KYNU: variants seen among roughly 807,000 people sequenced by gnomAD.
KYNU encodes kynureninase, also known as L-kynurenine hydrolase.
Under a neutral mutation model 59.2 loss-of-function variants are expected in KYNU, and 54 were observed. The ratio of observed to expected loss-of-function variants is 0.91; its 90% CI spans 0.73 to 1.14. KYNU has a LOEUF of 1.14. Among genes scored for constraint, KYNU ranks in the 50% most tolerant of loss-of-function variants. The probability of loss-of-function intolerance (pLI) is 0.00; values close to 1 mark genes in which losing one functional copy is unlikely to be tolerated. For synonymous variants in KYNU, 177 were observed against 192.0 expected (o/e 0.92, Z 0.65); for missense variants, 567 against 554.4 (o/e 1.02, Z -0.23).
intron 7 of KYNU, chr2:142,957,987 A>C: frequency 2.8e-6 from 1 of 353,928 alleles, no homozygotes; most frequent in South Asian, 3.4e-5. Flanking sequence ...CTTCAATGGG[A>C]TGGGAAAAGG....
intron 10 of KYNU, among the ~76,000 whole-genome samples, chr2:142,988,256 CT>C (rs1380675228): frequency 6.6e-6 from 1 of 151,932 alleles, no homozygotes; most frequent in African/African-American, 2.4e-5. Flanking sequence ...CCCCTAAGTA[CT>C]TCGTTGACTC....
At chr2:143,038,871 CTATCTTTGCTCTTGA>C (rs1686960890) in intron 12 of KYNU, among the ~76,000 whole-genome samples, 1 of 152,252 alleles carries the variant, frequency 6.6e-6, no homozygotes, top group East Asian at 1.9e-4. Context: ...CCAAATGACC[CTATCTTTGCTCTTGA>C]TATCTTTGCT....
Position 142,885,520 on chromosome 2 carries a change from A to C in KYNU, c.153A>C (p.Ile51=). ...HFRECFYIPK[I]QDLPPVDLSL... ...GGGAGTGCTTTTATATTCCCAAAAT[A>C]CAGGATCTGCCTCCAGGTAAGAATG... The change falls in exon 2 of 14, where the codon ATA becomes ATC. Residue 51 remains isoleucine, a synonymous_variant. Coordinates refer to ENST00000264170, the MANE Select transcript of KYNU (RefSeq NM_003937.3). 2 of 1,613,554 alleles carry C rather than the reference A, an allele frequency of 1.2e-6. No individual in the cohort carries two copies. Among genetic ancestry groups the C allele is most frequent in the Non-Finnish European group, 1.7e-6 (2 of 1,179,910 alleles).
chr2:142,909,446 C>T (rs1231836506), intron 2 of KYNU, among the ~76,000 whole-genome samples: 1 of 151,920 alleles, frequency 6.6e-6, no homozygotes, highest in Non-Finnish European at 1.5e-5. Context: ...TACAAATGAC[C>T]CTGTTACCCA....
chr2:143,020,096 T>G (rs138613734), intron 10 of KYNU, among the ~76,000 whole-genome samples: 52 of 152,088 alleles, frequency 3.4e-4, no homozygotes, highest in Non-Finnish European at 6.2e-4. Flanking sequence ...TGATCTTTTA[T>G]ATTTGTTTTA....
intron 10 of KYNU, among the ~76,000 whole-genome samples, chr2:143,007,658 A>G (rs1457189903): frequency 8.6e-6 from 1 of 115,786 alleles, no homozygotes; most frequent in Admixed American, 8.4e-5. Context: ...AGCCAGAGAG[A>G]AAGGTCGGGT....
intron 10 of KYNU, among the ~76,000 whole-genome samples, chr2:142,987,369 G>A (rs139859916): frequency 1.2e-4 from 18 of 151,980 alleles, no homozygotes; most frequent in African/African-American, 3.4e-4. Flanking sequence ...GTCAGTGTTC[G>A]GAGTTAAGCT....
intron 10 of KYNU, among the ~76,000 whole-genome samples, chr2:143,006,637 T>G (rs2105194413): frequency 6.7e-6 from 1 of 148,378 alleles, no homozygotes; most frequent in Non-Finnish European, 1.5e-5. Flanking sequence ...CAGTAACCTC[T>G]GCAGACTTAA....
intron 10 of KYNU, among the ~76,000 whole-genome samples, chr2:143,016,090 T>G (rs1686238738): frequency 6.6e-6 from 1 of 152,232 alleles, no homozygotes; most frequent in Non-Finnish European, 1.5e-5. Context: ...CTCTAAACGT[T>G]CATTCTGTTG....
intron 4 of KYNU, among the ~76,000 whole-genome samples, chr2:142,929,025 A>C (rs1558926691): frequency 1.4e-5 from 2 of 145,282 alleles, no homozygotes; most frequent in East Asian, 2.0e-4. Context: ...AAAAAAAAAA[A>C]CAAAAAACGA....
At chr2:142,951,612 T>C (rs1002773012) in intron 4 of KYNU, among the ~76,000 whole-genome samples, 2 of 152,236 alleles carry the variant, frequency 1.3e-5, no homozygotes, top group African/African-American at 4.8e-5. Flanking sequence ...CACTAAATTC[T>C]TTAGTGCCTT....
At chr2:143,013,088 C>G (rs1458555842) in intron 10 of KYNU, among the ~76,000 whole-genome samples, 1 of 152,034 alleles carries the variant, frequency 6.6e-6, no homozygotes, top group Non-Finnish European at 1.5e-5. Flanking sequence ...CTTAAACTCC[C>G]AGGCTCAAGT....
At chr2:143,032,915 G>A (rs920130078) in intron 11 of KYNU, among the ~76,000 whole-genome samples, 6 of 152,072 alleles carry the variant, frequency 3.9e-5, no homozygotes, top group African/African-American at 7.2e-5. Flanking sequence ...AGCAAATGTT[G>A]AGCAGAATAA....
In KYNU at chr2:143,048,937, C is replaced by G. The variant is rs1687214844; in HGVS notation, c.*6765C>G. ...AGTTCAACCATTGCTCTTAAGGGCT[C>G]TTTGTCTTTAATGATCCGCATTTTT... On this transcript the variant is annotated 3_prime_UTR_variant, in exon 14 of 14. Transcript: ENST00000264170. 6.6e-6 allele frequency: 1 copy of G among 152,088 alleles called. No individual in the cohort carries two copies. The highest frequency in any genetic ancestry group is 6.6e-5 in the Admixed American group (1 of 15,266). The allele number at this position is 152,088 out of a possible 1,614,324, so 9.4% of individuals were successfully genotyped here.
At chr2:142,900,257 G>C (rs1682030624) in intron 2 of KYNU, among the ~76,000 whole-genome samples, 2 of 152,212 alleles carry the variant, frequency 1.3e-5, no homozygotes, top group Admixed American at 1.3e-4. Context: ...TGGATCCAGA[G>C]AGGTGGAAGT....
chr2:143,022,003 A>T (rs1311961864), intron 10 of KYNU, among the ~76,000 whole-genome samples: 23 of 152,126 alleles, frequency 1.5e-4, no homozygotes, highest in Non-Finnish European at 1.5e-5. Context: ...TTAATTTTCC[A>T]CCAGACTACC....
Position 142,918,700 on chromosome 2 carries a change from TGAA to T in KYNU, c.268_270del (p.Glu90del), listed in dbSNP as rs762859270. On this transcript the variant is annotated inframe_deletion, in exon 3 of 14. Coordinates refer to ENST00000264170, the MANE Select transcript of KYNU (RefSeq NM_003937.3). ...AACCAAAAATGGTTAAAACATATCT[TGAA>T]GAAGAACTAGATAAGTGGGCCAAAA... 8 of 1,612,524 alleles carry T rather than the reference TGAA, an allele frequency of 5.0e-6. No individual in the cohort carries two copies. The highest frequency in any genetic ancestry group is 3.3e-5 in the Admixed American group (2 of 59,920).
chr2:142,963,374 A>G (rs1377088137), intron 8 of KYNU, among the ~76,000 whole-genome samples: 1 of 152,202 alleles, frequency 6.6e-6, no homozygotes, highest in East Asian at 1.9e-4. Flanking sequence ...TAATTTAAAA[A>G]CAACATAAAT....
rs565848448 is a variant in KYNU, at chr2:143,040,882, A to G, written c.1272+224A>G. ...GATACCACAAACTTGGCTTATAGGA[A>G]TAGTTTTTTGTAACTTACTCATTCT... On this transcript the variant is annotated intron_variant, in intron 13 of 13. Transcript: ENST00000264170. Among the ~76,000 whole-genome samples, 3 of 152,184 alleles carry G rather than the reference A, an allele frequency of 2.0e-5. No individual in the cohort carries two copies. In the South Asian group the frequency reaches 6.2e-4, roughly 32 times the overall value.
Sources: gnomAD v4.1 joint callset for allele counts (sites outside exome capture counted in the v4.1 genomes callset) on GRCh38, gnomAD v4.1.1 for gene constraint, MANE v1.5 for transcripts, NCBI Gene and HGNC (gene_info 2026-07-23, HGNC 2026-07-21) for gene names.